The following LRRC52 variants were observed in gnomAD, a reference collection of about 807,000 sequenced individuals.
LRRC52 encodes the protein leucine rich repeat containing 52.
Under a neutral mutation model 14.7 loss-of-function variants are expected in LRRC52, and 15 were observed. The ratio of observed to expected loss-of-function variants is 1.02; its 90% CI spans 0.68 to 1.58. The LOEUF (loss-of-function observed/expected upper bound fraction) is 1.58, where lower values mean the gene tolerates loss of function less well. Ranked by LOEUF, LRRC52 falls within the 40% of genes most tolerant of loss-of-function variation. LRRC52 has a pLI of 0.00. For synonymous variants in LRRC52, 180 were observed against 163.9 expected (o/e 1.10, Z -0.75); for missense variants, 400 against 387.7 (o/e 1.03, Z -0.27).
intron 1 of LRRC52, among the ~76,000 whole-genome samples, chr1:165,549,981 A>G (rs777819985): frequency 2.0e-5 from 3 of 152,242 alleles, no homozygotes; most frequent in Non-Finnish European, 4.4e-5. Flanking sequence ...AAGTTACAGC[A>G]GAAATGGAGG....
At chr1:165,558,950 A>G (rs974240635) in intron 1 of LRRC52, among the ~76,000 whole-genome samples, 4 of 152,264 alleles carry the variant, frequency 2.6e-5, no homozygotes, top group Non-Finnish European at 4.4e-5. Flanking sequence ...CAATGCAGCC[A>G]TACTAATGTT....
chr1:165,561,471 G>GC (rs998660687), intron 1 of LRRC52, among the ~76,000 whole-genome samples: 1 of 152,184 alleles, frequency 6.6e-6, no homozygotes, highest in Admixed American at 6.5e-5. Flanking sequence ...GCTCATGGGA[G>GC]CCCCATGCCC....
At position 165,544,243 on chromosome 1, in the gene LRRC52, T is replaced by G; in HGVS notation, c.-54T>G. ...CACCCCCCCACCGGCAGCCTTCGGA[T>G]CAGAGGACAGAGCCCGCAGGAAGGT... On this transcript the variant is annotated 5_prime_UTR_variant, in exon 1 of 2. Transcript: ENST00000294818. 1 of 1,424,524 alleles carries G rather than the reference T, an allele frequency of 7.0e-7. No homozygotes were observed. The highest frequency in any genetic ancestry group is 9.4e-7 in the Non-Finnish European group (1 of 1,062,148). The allele number at this position is 1,424,524 out of a possible 1,614,324, so 88.2% of individuals were successfully genotyped here.
rs568125365 is a variant in LRRC52 at position 165,557,376 on chromosome 1, A to G, written c.623-6129A>G. Among the ~76,000 whole-genome samples the G allele has an allele frequency of 2.3e-4, 35 of 152,236 alleles. 1 individual carries two copies. Among genetic ancestry groups the G allele is most frequent in the Admixed American group, 1.6e-3 (24 of 15,292 alleles). On this transcript the variant is annotated intron_variant, in intron 1 of 1. Coordinates refer to ENST00000294818, the MANE Select transcript of LRRC52 (RefSeq NM_001005214.4). ...CAGTGTAGAGTGTCCGAGGCAGTCC[A>G]AGGTCAGCTGACCCACCTATGGTAT... is the stretch of plus-strand genomic sequence containing the variant.
At chr1:165,545,328 T>C (rs1276316830) in intron 1 of LRRC52, among the ~76,000 whole-genome samples, 1 of 152,218 alleles carries the variant, frequency 6.6e-6, no homozygotes, top group Non-Finnish European at 1.5e-5. Context: ...GTTGGTAAAC[T>C]GTTTTAATCT....
At chr1:165,552,756 A>G (rs1457262566) in intron 1 of LRRC52, among the ~76,000 whole-genome samples, 6 of 152,224 alleles carry the variant, frequency 3.9e-5, no homozygotes, top group African/African-American at 1.4e-4. Context: ...CGGAAGCTCT[A>G]TGACAGCAGA....
chr1:165,560,014 A>G (rs1661310708), intron 1 of LRRC52, among the ~76,000 whole-genome samples: 1 of 152,176 alleles, frequency 6.6e-6, no homozygotes, highest in Admixed American at 6.5e-5. Flanking sequence ...GGCACAATCT[A>G]GACACACCAG....
intron 1 of LRRC52, among the ~76,000 whole-genome samples, chr1:165,555,185 G>A (rs1661207515): frequency 1.3e-5 from 2 of 152,216 alleles, no homozygotes; most frequent in Admixed American, 1.3e-4. Flanking sequence ...AATAAGAGAG[G>A]GGAAGAGAAG....
intron 1 of LRRC52, among the ~76,000 whole-genome samples, chr1:165,547,008 T>C (rs1661032777): frequency 6.6e-6 from 1 of 152,074 alleles, no homozygotes; most frequent in Admixed American, 6.5e-5. Context: ...CAACTGCTAA[T>C]TTGCTCATCT....
At chr1:165,558,059 T>C (rs2101831923) in intron 1 of LRRC52, among the ~76,000 whole-genome samples, 1 of 152,300 alleles carries the variant, frequency 6.6e-6, no homozygotes, top group South Asian at 2.1e-4. Context: ...GGTTCAATAC[T>C]GTTTTCTGAA....
At position 165,544,394 on chromosome 1, in the gene LRRC52, A is replaced by G. The variant is rs752356470; in HGVS notation, c.98A>G (p.Gln33Arg). 21 of 1,613,998 alleles carry G rather than the reference A, an allele frequency of 1.3e-5. No individual in the cohort carries two copies. In the Admixed American group the frequency reaches 3.2e-4, roughly 24 times the overall value. Residue 33 changes from glutamine (Q) to arginine (R), a missense_variant, in exon 1 of 2, where the codon CAA becomes CGA. Physicochemically the swap from Gln to Arg is conservative, Grantham distance 43. Coordinates refer to ENST00000294818, the MANE Select transcript of LRRC52 (RefSeq NM_001005214.4). ...AAGTGTCCAAATAATTGTCTGTGTCAAGCCCAAGAAGTAATCTGCACAGGG... is the reference window on the plus strand; with the variant it reads ...AAGTGTCCAAATAATTGTCTGTGTCGAGCCCAAGAAGTAATCTGCACAGGG... ...GSKCPNNCLC[Q>R]AQEVICTGKQ...
chr1:165,562,946 C>T (rs910585832), intron 1 of LRRC52, among the ~76,000 whole-genome samples: 2 of 152,004 alleles, frequency 1.3e-5, no homozygotes, highest in Non-Finnish European at 2.9e-5. Flanking sequence ...AGGAGAATCT[C>T]GTCTCCTGAA....
intron 1 of LRRC52, among the ~76,000 whole-genome samples, chr1:165,552,474 A>T (rs12130769): frequency 0.1 from 15,762 of 152,182 alleles, 931 homozygotes; most frequent in South Asian, 0.22. Context: ...AACATGCAAT[A>T]TATCCTAAGA....
chr1:165,550,473 TA>T (rs1234643857), intron 1 of LRRC52, among the ~76,000 whole-genome samples: 4 of 152,212 alleles, frequency 2.6e-5, no homozygotes, highest in African/African-American at 9.7e-5. Flanking sequence ...TCAATACATT[TA>T]AATAGCCACC....
In LRRC52 at chr1:165,544,926, C is replaced by T. The variant is rs1165280517; in HGVS notation, c.622+8C>T. The stretch of plus-strand genomic sequence containing the variant: ...TCCATATGGACCCCTCAGGTGAGGG[C>T]TTGATTGGGTGTGGGGAAGAGGATG... On this transcript the variant is annotated splice_region_variant and intron_variant, in intron 1 of 1. Transcript: ENST00000294818. 13 of 1,611,126 alleles carry T rather than the reference C, an allele frequency of 8.1e-6. No individual in the cohort carries two copies. Among genetic ancestry groups the T allele is most frequent in the Admixed American group, 1.7e-5 (1 of 59,910 alleles).
chr1:165,544,906 A>G lies in LRRC52; in HGVS notation c.610A>G (p.Met204Val), dbSNP rs759666197. Reference sequence around the variant, plus strand: ...CGCCATCTTCTTAATAGTGTTCCATATGGACCCCTCAGGTGAGGGCTTGAT... The same window carrying G: ...CGCCATCTTCTTAATAGTGTTCCATGTGGACCCCTCAGGTGAGGGCTTGAT... ...DFAIFLIVFH[M>V]DPSDDLNATC... Residue 204 changes from methionine to valine, a missense_variant, in exon 1 of 2, where the codon ATG becomes GTG. Met to Val is a conservative substitution (Grantham distance 21). Transcript: ENST00000294818. 4 of 1,613,868 alleles carry G rather than the reference A, an allele frequency of 2.5e-6. 1 individual carries two copies. Among genetic ancestry groups the G allele is most frequent in the Non-Finnish European group, 3.4e-6 (4 of 1,179,904 alleles).
At chr1:165,545,729 T>C (rs1229882285) in intron 1 of LRRC52, among the ~76,000 whole-genome samples, 1 of 152,102 alleles carries the variant, frequency 6.6e-6, no homozygotes, top group Admixed American at 6.5e-5. Context: ...CTCTTTATCT[T>C]AGGGACTTTA....
intron 1 of LRRC52, among the ~76,000 whole-genome samples, chr1:165,545,149 G>C (rs1029566197): frequency 5.9e-5 from 9 of 152,210 alleles, no homozygotes; most frequent in South Asian, 2.1e-4. Flanking sequence ...TTACCAGTTG[G>C]CTACCCTTGA....
chr1:165,547,289 G>T (rs1392194908), intron 1 of LRRC52, among the ~76,000 whole-genome samples: 1 of 152,120 alleles, frequency 6.6e-6, no homozygotes, highest in African/African-American at 2.4e-5. Context: ...TCCTGTAAGT[G>T]AGTTTAGTTA....
Sources: allele counts gnomAD v4.1 joint callset (sites outside exome capture counted in the v4.1 genomes callset), GRCh38; gene constraint gnomAD v4.1.1; transcripts MANE v1.5; gene names NCBI Gene and HGNC (gene_info 2026-07-23, HGNC 2026-07-21).